SLC52A3: variants seen among roughly 807,000 people sequenced by gnomAD.
SLC52A3 encodes the protein solute carrier family 52 member 3.
A neutral mutation model predicts 29.5 loss-of-function variants in SLC52A3; 20 were observed. The ratio of observed to expected loss-of-function variants is 0.68; its 90% CI spans 0.48 to 0.99. SLC52A3 has a LOEUF of 0.99. Ranked by LOEUF, SLC52A3 falls within the 50% of genes least tolerant of loss-of-function variation. The probability of loss-of-function intolerance (pLI) is 0.00; values close to 1 mark genes in which losing one functional copy is unlikely to be tolerated. For synonymous variants in SLC52A3, 301 were observed against 271.0 expected (o/e 1.11, Z -1.09); for missense variants, 548 against 612.9 (o/e 0.89, Z 1.12).
upstream of SLC52A3, among the ~76,000 whole-genome samples, chr20:771,306 A>T (rs557037508): frequency 3.9e-5 from 6 of 152,314 alleles, no homozygotes; most frequent in Admixed American, 2.0e-4. Context: ...GGGCACCTGT[A>T]ATTCTAGCTA....
At position 765,215 on chromosome 20, in the gene SLC52A3, A is replaced by T; in HGVS notation, c.560T>A (p.Ile187Asn). Residue 187 changes from isoleucine to asparagine, a missense_variant, in exon 2 of 5, where the codon ATC becomes AAC. Coordinates refer to ENST00000645534, the MANE Select transcript of SLC52A3 (RefSeq NM_033409.4). The surrounding 1 kb of genome is among the most constrained non-coding windows in gnomAD (Gnocchi z 6.6). The stretch of plus-strand genomic sequence containing the variant: ...CCGGGTGATGCTGGGTACCTGTGCG[A>T]TGTCAGTCTCCCTCGTGGGTACAGG... ...PSPVPTRETD[I>N]AQGVPRALVS... 6.2e-7 allele frequency: 1 copy of T among 1,614,102 alleles called. No homozygotes were observed. Among genetic ancestry groups the T allele is most frequent in the Non-Finnish European group, 8.5e-7 (1 of 1,180,004 alleles).
rs753369351 is a variant in SLC52A3 at position 761,851 on chromosome 20, G to A, written c.1074-27C>T. On this transcript the variant is annotated intron_variant, in intron 3 of 4. Coordinates refer to ENST00000645534, the MANE Select transcript of SLC52A3 (RefSeq NM_033409.4). ...TAGAGGAAAGTAGGGGAGGTGAGTG[G>A]AGGTGAGAAGCCTGACCTCTGACCC... 7.4e-6 allele frequency: 12 copies of A among 1,613,942 alleles called. No individual in the cohort carries two copies. In the African/African-American group the frequency reaches 1.3e-4, roughly 18 times the overall value.
chr20:770,581 G>A (rs1986817771), upstream of SLC52A3, among the ~76,000 whole-genome samples: 1 of 152,076 alleles, frequency 6.6e-6, no homozygotes, highest in Admixed American at 6.5e-5. The surrounding 1 kb of genome is among the most constrained non-coding windows in gnomAD (Gnocchi z 4.5). Context: ...ACGAATCTTT[G>A]GTCAACAACT....
chr20:765,231 T>C lies in SLC52A3; in HGVS notation c.544A>G (p.Thr182Ala). ...ACCTGTGCGATGTCAGTCTCCCTCGTGGGTACAGGGCTTGGTACGCTGTCT... is the reference window on the plus strand; with the variant it reads ...ACCTGTGCGATGTCAGTCTCCCTCGCGGGTACAGGGCTTGGTACGCTGTCT... ...ISDSVPSPVPTRETDIAQGVP... is the reference protein window; with the variant it reads ...ISDSVPSPVPARETDIAQGVP... Residue 182 changes from threonine to alanine, a missense_variant, in exon 2 of 5, where the codon ACG (threonine) becomes GCG (alanine). Transcript: ENST00000645534. This position sits in a 1 kb window ranked among gnomAD's most constrained non-coding sequence, Gnocchi z 6.6. The C allele has an allele frequency of 6.2e-7, 1 of 1,614,090 alleles. No individual in the cohort carries two copies.
intron 1 of SLC52A3, among the ~76,000 whole-genome samples, chr20:775,327 T>A (rs1162827658): frequency 6.6e-6 from 1 of 150,432 alleles, no homozygotes; most frequent in Non-Finnish European, 1.5e-5. Flanking sequence ...CAGGCTGAAG[T>A]GCTGTGGCAT....
At chr20:761,347 G>C (rs2122507005) in intron 4 of SLC52A3, 109 bp from the exon 5 acceptor site, 1 of 1,234,210 alleles carries the variant, frequency 8.1e-7, no homozygotes. Flanking sequence ...CTCTCTAGGT[G>C]CGAGGAGCGC....
rs35655964 is a variant in SLC52A3, at chr20:765,553, G to C, written c.222C>G (p.Ile74Met). The change falls in exon 2 of 5, where the codon ATC becomes ATG. Residue 74 changes from isoleucine (I) to methionine (M), a missense_variant. Physicochemically the swap from Ile to Met is conservative, Grantham distance 10. Coordinates refer to ENST00000645534, the MANE Select transcript of SLC52A3 (RefSeq NM_033409.4). The surrounding 1 kb of genome is among the most constrained non-coding windows in gnomAD (Gnocchi z 6.6). ...TTCCCACGCCCAGCAGGGTGAAGAT[G>C]ATGGGCACTTCGGAAAGGCAGCTGG... is the stretch of plus-strand genomic sequence containing the variant. ...FRPSCLSEVP[I>M]IFTLLGVGTV... 0.088 allele frequency: 139,158 copies of C among 1,577,444 alleles called. 6,879 individuals are homozygous for C. The highest frequency in any genetic ancestry group is 0.1 in the Non-Finnish European group (120,757 of 1,161,434).
chr20:770,806 A>G (rs181138210), upstream of SLC52A3, among the ~76,000 whole-genome samples: 19 of 152,346 alleles, frequency 1.2e-4, no homozygotes, highest in East Asian at 3.7e-3. The surrounding 1 kb of genome is among the most constrained non-coding windows in gnomAD (Gnocchi z 4.5). Flanking sequence ...CTTGGGGTAA[A>G]CACTGCAGTC....
chr20:761,369 G>C, intron 4 of SLC52A3, 131 bp from the exon 5 acceptor site: 1 of 1,081,098 alleles, frequency 9.2e-7, no homozygotes, highest in Admixed American at 2.7e-5. Flanking sequence ...TTCTGGGAGT[G>C]AGCCTGCGGG....
At chr20:776,856 T>TGG (rs61268757), upstream of SLC52A3, among the ~76,000 whole-genome samples, 1 of 127,366 alleles carries the variant, frequency 7.9e-6, no homozygotes, top group African/African-American at 3.3e-5. Flanking sequence ...GAATCGCTTT[T>TGG]GGGGGGGGGG....
At chr20:772,940 C>T (rs1373657398), upstream of SLC52A3, among the ~76,000 whole-genome samples, 1 of 152,170 alleles carries the variant, frequency 6.6e-6, no homozygotes, top group Non-Finnish European at 1.5e-5. Flanking sequence ...CCTGCTCTGT[C>T]CCAGAAGTGG....
At chr20:768,257 A>C (rs1443618018) in intron 1 of SLC52A3, 40 bp downstream of exon 1, 1 of 152,232 alleles carries the variant, frequency 6.6e-6, no homozygotes, top group Non-Finnish European at 1.5e-5. Flanking sequence ...AAAATTTAAA[A>C]AAGGAAAAGA....
At chr20:779,884 A>T (rs1568738168), upstream of SLC52A3, among the ~76,000 whole-genome samples, 1 of 152,238 alleles carries the variant, frequency 6.6e-6, no homozygotes, top group Non-Finnish European at 1.5e-5. Flanking sequence ...CATAGAAAGA[A>T]TCTAAGATAA....
At chr20:772,232 G>A (rs17774132), upstream of SLC52A3, among the ~76,000 whole-genome samples, 18,258 of 152,246 alleles carry the variant, frequency 0.12, 1,210 homozygotes, top group Non-Finnish European at 0.15. Context: ...CCACAAAGAC[G>A]AATTCTCTGG....
At chr20:773,960 G>A (rs34221790) in intron 1 of SLC52A3, among the ~76,000 whole-genome samples, 5,384 of 151,344 alleles carry the variant, frequency 0.036, 132 homozygotes, top group Non-Finnish European at 0.053. Context: ...CCTGCCCTCT[G>A]TTTTCCTCCA....
Position 763,606 on chromosome 20 carries a change from T to C in SLC52A3, c.965A>G (p.Gln322Arg), listed in dbSNP as rs1986562969. 1 of 1,614,182 alleles carries C rather than the reference T, an allele frequency of 6.2e-7. No homozygotes were observed. The highest frequency in any genetic ancestry group is 8.5e-7 in the Non-Finnish European group (1 of 1,180,022). The stretch of plus-strand genomic sequence containing the variant: ...CCCATAGGACAGGCAGGAGTAGGTC[T>C]GCACAGAGGGCAGCATGCCGTTGGT... ...ALTNGMLPSV[Q>R]TYSCLSYGPV... The change falls in exon 3 of 5, where the codon CAG becomes CGG. Residue 322 changes from glutamine (Q) to arginine (R), a missense_variant. By Grantham distance (43) the Gln-to-Arg change is conservative. Transcript: ENST00000645534.
upstream of SLC52A3, among the ~76,000 whole-genome samples, chr20:769,975 T>G (rs1367480441): frequency 6.6e-6 from 1 of 152,160 alleles, no homozygotes; most frequent in Non-Finnish European, 1.5e-5. Context: ...TTTCCCAGCC[T>G]TCTTTGTAGC....
upstream of SLC52A3, chr20:776,039 G>A (rs1283358762): frequency 6.6e-6 from 1 of 152,332 alleles, no homozygotes; most frequent in Non-Finnish European, 1.5e-5. Context: ...CCCAGAGCTC[G>A]GGGAAAGGCA....
chr20:773,509 G>A (rs773229280), intron 1 of SLC52A3, among the ~76,000 whole-genome samples: 1 of 152,132 alleles, frequency 6.6e-6, no homozygotes, highest in Non-Finnish European at 1.5e-5. Flanking sequence ...TTCTGAAGGG[G>A]CCATGGGGGT....
Sources: allele counts gnomAD v4.1 joint callset (sites outside exome capture counted in the v4.1 genomes callset), GRCh38; gene constraint gnomAD v4.1.1; non-coding constraint Gnocchi (gnomAD v3.1); transcripts MANE v1.5; gene names NCBI Gene and HGNC (gene_info 2026-07-23, HGNC 2026-07-21).